Variants in MGST1 observed in about 807,000 individuals in gnomAD.
The protein encoded by MGST1 is glutathione S-transferase 12.
MGST1 carries 5 observed loss-of-function variants against 8.9 expected under a neutral mutation model. That is an observed-to-expected ratio of 0.56 (90% confidence interval 0.29 to 1.19). The LOEUF (loss-of-function observed/expected upper bound fraction) is 1.19. MGST1 is among the 50% of genes most tolerant of loss of function. The pLI, the probability that MGST1 is intolerant of heterozygous loss-of-function variation, is 0.08. For missense variants in MGST1, 182 were observed against 187.4 expected, an observed-to-expected ratio of 0.97 and a Z score of 0.17; for synonymous variants, 54 against 67.8, an observed-to-expected ratio of 0.80 and a Z score of 1.00.
At chr12:16,434,109 A>C (rs1940963463) in intron 1 of MGST1, among the ~76,000 whole-genome samples, 2 of 152,084 alleles carry the variant, frequency 1.3e-5, no homozygotes, top group South Asian at 4.1e-4. Context: ...CTATGTTAAC[A>C]TGTATTTATT....
intron 3 of MGST1, among the ~76,000 whole-genome samples, chr12:16,359,720 C>G (rs1224289864): frequency 6.6e-6 from 1 of 152,134 alleles, no homozygotes; most frequent in Non-Finnish European, 1.5e-5. Context: ...AGCAGGCAGC[C>G]GCCTGCATGA....
chr12:16,393,448 C>T (rs539978902), intron 1 of MGST1, among the ~76,000 whole-genome samples: 3 of 152,348 alleles, frequency 2.0e-5, no homozygotes, highest in South Asian at 2.1e-4. Flanking sequence ...AGAGGCTGCT[C>T]ACACAACAGC....
At chr12:16,462,624 G>C (rs1941229127) in intron 4 of MGST1, among the ~76,000 whole-genome samples, 1 of 151,934 alleles carries the variant, frequency 6.6e-6, no homozygotes, top group African/African-American at 2.4e-5. Context: ...AATTTTTGCT[G>C]AGATAATAGA....
downstream of MGST1, among the ~76,000 whole-genome samples, chr12:16,439,869 C>T (rs1941024834): frequency 6.6e-6 from 1 of 151,680 alleles, no homozygotes; most frequent in Non-Finnish European, 1.5e-5. Flanking sequence ...ATATCAAGTC[C>T]TACCCCACCT....
intron 4 of MGST1, among the ~76,000 whole-genome samples, chr12:16,474,618 A>G (rs937930538): frequency 6.6e-6 from 1 of 152,218 alleles, no homozygotes; most frequent in Non-Finnish European, 1.5e-5. Context: ...ACACAAATTC[A>G]TATAACCTTT....
rs956895916 is a variant in MGST1 at position 16,587,201 on chromosome 12, G to A, written n.483-2327G>A. ...AAATATATTCATAAGCTACACACAC[G>A]AAAATGAAATGAACAAAGTGATTCA... On this transcript the variant is annotated intron_variant and non_coding_transcript_variant, in intron 4 of 4. Transcript: ENST00000538857. The surrounding 1 kb of genome is among the most constrained non-coding windows in gnomAD (Gnocchi z 4.3). 6.6e-6 allele frequency among the ~76,000 whole-genome samples: 1 copy of A among 152,092 alleles called. No homozygotes were observed. Among genetic ancestry groups the A allele is most frequent in the Admixed American group, 6.6e-5 (1 of 15,254 alleles).
chr12:16,375,040 C>T (rs796865184), intron 3 of MGST1, among the ~76,000 whole-genome samples: 5 of 152,156 alleles, frequency 3.3e-5, no homozygotes, highest in African/African-American at 1.2e-4. Flanking sequence ...ACCACCATGC[C>T]TGGATAATTT....
intron 4 of MGST1, among the ~76,000 whole-genome samples, chr12:16,499,700 C>T (rs963241778): frequency 5.9e-5 from 9 of 151,822 alleles, no homozygotes; most frequent in East Asian, 1.9e-4. Context: ...TAAAGGCAGA[C>T]TTGCTTTAGT....
At chr12:16,577,704 T>C (rs917382574) in intron 4 of MGST1, among the ~76,000 whole-genome samples, 1 of 152,066 alleles carries the variant, frequency 6.6e-6, no homozygotes, top group African/African-American at 2.4e-5. Context: ...AGAGGAGAAT[T>C]TTTTTCCTTA....
At chr12:16,352,150 C>T (rs1465533376) in intron 1 of MGST1, among the ~76,000 whole-genome samples, 1 of 152,086 alleles carries the variant, frequency 6.6e-6, no homozygotes, top group Non-Finnish European at 1.5e-5. Flanking sequence ...ATAGTTATGA[C>T]AATTGTAATA....
chr12:16,518,450 TTTTA>T (rs1941628112), intron 4 of MGST1, among the ~76,000 whole-genome samples: 1 of 152,208 alleles, frequency 6.6e-6, no homozygotes, highest in Admixed American at 6.5e-5. Context: ...TTTTGAAAAG[TTTTA>T]TTTATTATAG....
At chr12:16,590,342 C>T (rs558195998), downstream of MGST1, among the ~76,000 whole-genome samples, 38 of 152,064 alleles carry the variant, frequency 2.5e-4, no homozygotes, top group Admixed American at 1.2e-3. Flanking sequence ...ATGTAATTCA[C>T]GAAATTGTTT....
rs1941410503 is a variant in MGST1, at chr12:16,487,906, A to G, written n.483-101622A>G. Among the ~76,000 whole-genome samples, 3 of 152,202 alleles carry G rather than the reference A, an allele frequency of 2.0e-5. No individual in the cohort carries two copies. The South Asian group carries it at 6.2e-4, about 31-fold the overall frequency. ...TATATTATTTACAGTTACAAAAGGA[A>G]TGATAAAAGCATTTAAACATTAATT... is the stretch of plus-strand genomic sequence containing the variant. On this transcript the variant is annotated intron_variant and non_coding_transcript_variant, in intron 4 of 4. Coordinates refer to the MGST1 transcript ENST00000538857.
Position 16,361,100 on chromosome 12 carries a change from T to A in MGST1, c.222-2695T>A, listed in dbSNP as rs9332934. Among the ~76,000 whole-genome samples, 155 of 151,612 alleles carry A rather than the reference T, an allele frequency of 1.0e-3. 1 individual carries two copies. The highest frequency in any genetic ancestry group is 2.8e-3 in the African/African-American group (117 of 41,264). ...AGGAAGACCTTGAAGAGTATTAGGATTTGAAAGGAGAAAGAGGAGAGAAGT... is the reference window on the plus strand; with the variant it reads ...AGGAAGACCTTGAAGAGTATTAGGAATTGAAAGGAGAAAGAGGAGAGAAGT... On this transcript the variant is annotated intron_variant, in intron 3 of 3. Coordinates refer to ENST00000396210, the MANE Select transcript of MGST1 (RefSeq NM_020300.5). The surrounding 1 kb of genome is among the most constrained non-coding windows in gnomAD (Gnocchi z 4.2).
chr12:16,417,643 T>C (rs1940798894), intron 1 of MGST1, among the ~76,000 whole-genome samples: 1 of 152,076 alleles, frequency 6.6e-6, no homozygotes, highest in Non-Finnish European at 1.5e-5. Flanking sequence ...GCTTCTGAAG[T>C]TTGATAGTCT....
rs76684335 is a variant in MGST1, at chr12:16,523,117, T to A, written n.483-66411T>A. 8.4e-3 allele frequency among the ~76,000 whole-genome samples: 1,273 copies of A among 152,190 alleles called. 48 individuals carry two copies. The East Asian group carries it at 0.14, about 16-fold the overall frequency. The stretch of plus-strand genomic sequence containing the variant: ...GACAGAATGTACTTCTAGATTTGAA[T>A]TTAACATTAAAACAATCTGTCAGTT... On this transcript the variant is annotated intron_variant and non_coding_transcript_variant, in intron 4 of 4. Transcript: ENST00000538857.
In MGST1 at chr12:16,401,440, G is replaced by A. The variant is rs1940655018; in HGVS notation, n.778+17836G>A. 2.3e-6 allele frequency: 2 copies of A among 851,424 alleles called. No individual in the cohort carries two copies. The highest frequency in any genetic ancestry group is 1.7e-5 in the African/African-American group (1 of 60,108). 52.7% of individuals were successfully genotyped at this position (851,424 alleles called of 1,614,324 possible). ...CTGCTTTTTAGCCACGTCCATGACA[G>A]CATTATATACATCACATATCTTCAC... On this transcript the variant is annotated intron_variant and non_coding_transcript_variant, in intron 1 of 1. Transcript: ENST00000359720. This position sits in a 1 kb window ranked among gnomAD's most constrained non-coding sequence, Gnocchi z 4.3.
chr12:16,360,290 G>T (rs1565437210), intron 3 of MGST1: 1 of 962,970 alleles, frequency 1.0e-6, no homozygotes, highest in Non-Finnish European at 1.2e-6. Context: ...CACCTCTCTC[G>T]TTACTTCAGT....
At chr12:16,519,554 T>C (rs1941635141) in intron 4 of MGST1, among the ~76,000 whole-genome samples, 1 of 152,196 alleles carries the variant, frequency 6.6e-6, no homozygotes, top group African/African-American at 2.4e-5. Flanking sequence ...TCCAATCAGA[T>C]ATTTTCTTCT....
Sources: allele counts gnomAD v4.1 joint callset (sites outside exome capture counted in the v4.1 genomes callset), GRCh38; gene constraint gnomAD v4.1.1; non-coding constraint Gnocchi (gnomAD v3.1); transcripts MANE v1.5; gene names NCBI Gene and HGNC (gene_info 2026-07-23, HGNC 2026-07-21).